VTI1A: variants seen among roughly 807,000 people sequenced by gnomAD.
VTI1A encodes the protein vesicle transport through interaction with t-SNAREs homolog 1A.
A neutral mutation model predicts 34.9 loss-of-function variants in VTI1A; 22 were observed. That is an observed-to-expected ratio of 0.63 (90% CI 0.45 to 0.90). The LOEUF (loss-of-function observed/expected upper bound fraction) is 0.90, where lower values mean the gene tolerates loss of function less well. Ranked by LOEUF, VTI1A falls within the 40% of genes least tolerant of loss-of-function variation. The pLI is 0.00. For synonymous variants in VTI1A, 87 were observed against 97.3 expected, an observed-to-expected ratio of 0.89 and a Z score of 0.62; for missense variants, 268 against 275.6, an observed-to-expected ratio of 0.97 and a Z score of 0.20.
intron 7 of VTI1A, among the ~76,000 whole-genome samples, chr10:112,728,107 A>G (rs1411199167): frequency 3.3e-5 from 5 of 152,156 alleles, no homozygotes; most frequent in Admixed American, 2.6e-4. Context: ...AGAGAAAGGG[A>G]TTTTACCTCA....
intron 5 of VTI1A, among the ~76,000 whole-genome samples, chr10:112,539,924 G>C (rs1243189077): frequency 6.6e-6 from 1 of 152,082 alleles, no homozygotes; most frequent in African/African-American, 2.4e-5. Context: ...TAAAGGAATA[G>C]AAAACAAAAT....
intron 7 of VTI1A, among the ~76,000 whole-genome samples, chr10:112,759,824 C>T (rs1851398673): frequency 6.6e-6 from 1 of 151,866 alleles, no homozygotes; most frequent in African/African-American, 2.4e-5. Flanking sequence ...CACTCCAGGT[C>T]TGCCTGGATC....
At chr10:112,819,878 G>A (rs1440558368), downstream of VTI1A, among the ~76,000 whole-genome samples, 2 of 152,170 alleles carry the variant, frequency 1.3e-5, no homozygotes, top group South Asian at 2.1e-4. Flanking sequence ...TCAGGGCAGG[G>A]GTGTTGGGTC....
At chr10:112,778,116 A>G (rs1428720518) in intron 7 of VTI1A, among the ~76,000 whole-genome samples, 2 of 152,200 alleles carry the variant, frequency 1.3e-5, no homozygotes, top group East Asian at 3.8e-4. Context: ...AAAAGGAAAA[A>G]AAAAAGTGTA....
intron 5 of VTI1A, among the ~76,000 whole-genome samples, chr10:112,619,887 G>A (rs1311872809): frequency 1.3e-5 from 2 of 152,190 alleles, no homozygotes; most frequent in African/African-American, 2.4e-5. Flanking sequence ...ACCACCTAGG[G>A]GAGGACATAA....
chr10:112,652,726 C>CAGAAAAAAAAAAA (rs1554932924), intron 5 of VTI1A, among the ~76,000 whole-genome samples: 1 of 106,416 alleles, frequency 9.4e-6, no homozygotes, highest in East Asian at 3.0e-4. Context: ...GACCTTGTCT[C>CAGAAAAAAAAAAA]AAAAAAAAAA....
chr10:112,642,291 G>A (rs1846604797), intron 5 of VTI1A, among the ~76,000 whole-genome samples: 1 of 152,054 alleles, frequency 6.6e-6, no homozygotes, highest in Non-Finnish European at 1.5e-5. Flanking sequence ...TTGACTGGTT[G>A]CAATGGAATG....
chr10:112,642,638 C>T (rs1162823963), intron 5 of VTI1A, among the ~76,000 whole-genome samples: 1 of 150,724 alleles, frequency 6.6e-6, no homozygotes, highest in African/African-American at 2.5e-5. Flanking sequence ...TATGTGCATG[C>T]TAAATGATTA....
At chr10:112,634,527 A>T (rs1401199781) in intron 5 of VTI1A, among the ~76,000 whole-genome samples, 63 of 147,496 alleles carry the variant, frequency 4.3e-4, no homozygotes, top group African/African-American at 1.1e-3. Flanking sequence ...ACACACACAC[A>T]CACACACACA....
rs1852142994 is a variant in VTI1A at position 112,572,001 on chromosome 10, G to T, written c.427+33671G>T. Among the ~76,000 whole-genome samples the T allele has an allele frequency of 2.0e-5, 3 of 152,138 alleles. No homozygotes were observed. The South Asian group carries it at 6.2e-4, about 32-fold the overall frequency. ...CAACTAGAAGGGGGAGAGAGGAGGG[G>T]CACAAAGGCTGAAAAATTATTGTTG... is the stretch of plus-strand genomic sequence containing the variant. On this transcript the variant is annotated intron_variant, in intron 5 of 7. Transcript: ENST00000393077.
rs749462193 is a variant in VTI1A at position 112,767,346 on chromosome 10, C to T, written c.561-47944C>T. On this transcript the variant is annotated intron_variant, in intron 7 of 7. Transcript: ENST00000393077. This position sits in a 1 kb window ranked among gnomAD's most constrained non-coding sequence, Gnocchi z 4.0. ...AATTTGAATCCAGCTGGTCTGACCT[C>T]AGAGCCCATACTCTTAATCATTTGT... Among the ~76,000 whole-genome samples, 2 of 152,156 alleles carry T rather than the reference C, an allele frequency of 1.3e-5. No homozygotes were observed. Among genetic ancestry groups the T allele is most frequent in the Non-Finnish European group, 2.9e-5 (2 of 68,038 alleles).
At chr10:112,645,525 A>G (rs1466812510) in intron 5 of VTI1A, among the ~76,000 whole-genome samples, 2 of 152,222 alleles carry the variant, frequency 1.3e-5, no homozygotes, top group African/African-American at 2.4e-5. Context: ...AGGCGTCCAC[A>G]CTAATTACAT....
chr10:112,486,105 T>C (rs369103918), intron 3 of VTI1A, among the ~76,000 whole-genome samples: 1 of 152,220 alleles, frequency 6.6e-6, no homozygotes, highest in East Asian at 1.9e-4. Context: ...ACACTTCTTA[T>C]AACACTTTAC....
At chr10:112,808,368 G>A (rs547519470) in intron 7 of VTI1A, among the ~76,000 whole-genome samples, 5 of 152,162 alleles carry the variant, frequency 3.3e-5, no homozygotes, top group Non-Finnish European at 5.9e-5. Flanking sequence ...CCTCATGCCT[G>A]TAATCCCAGC....
intron 5 of VTI1A, among the ~76,000 whole-genome samples, chr10:112,630,047 G>C (rs749069480): frequency 1.6e-4 from 25 of 152,168 alleles, no homozygotes; most frequent in Non-Finnish European, 5.9e-5. Context: ...TGTGCCTAAA[G>C]GTGTTTGTTT....
At chr10:112,782,741 A>G (rs1852169932) in intron 7 of VTI1A, among the ~76,000 whole-genome samples, 3 of 152,076 alleles carry the variant, frequency 2.0e-5, no homozygotes, top group African/African-American at 7.2e-5. Flanking sequence ...AGAGCCTTTC[A>G]GCTGCTGCCA....
chr10:112,495,560 C>T lies in VTI1A; in HGVS notation c.264+30903C>T, dbSNP rs759817809. Among the ~76,000 whole-genome samples, 29 of 152,118 alleles carry T rather than the reference C, an allele frequency of 1.9e-4. 1 individual carries two copies. The highest frequency in any genetic ancestry group is 5.8e-4 in the African/African-American group (24 of 41,500). The stretch of plus-strand genomic sequence containing the variant: ...GTTGTAGAATCAGTAATTCACTTTA[C>T]GTGTTTTAAATTTGAGATACTTCAG... On this transcript the variant is annotated intron_variant, in intron 3 of 7. Coordinates refer to ENST00000393077, the MANE Select transcript of VTI1A (RefSeq NM_145206.4).
chr10:112,484,803 A>G lies in VTI1A; in HGVS notation c.264+20146A>G, dbSNP rs181684708. On this transcript the variant is annotated intron_variant, in intron 3 of 7. Coordinates refer to ENST00000393077, the MANE Select transcript of VTI1A (RefSeq NM_145206.4). The stretch of plus-strand genomic sequence containing the variant: ...TTTTTAGGAGAAACATCTATAATAA[A>G]TGATAGGCACACAAAACATAAGTAT... 3.0e-3 allele frequency among the ~76,000 whole-genome samples: 449 copies of G among 151,712 alleles called. 6 individuals are homozygous for G. The highest frequency in any genetic ancestry group is 4.5e-3 in the Non-Finnish European group (309 of 67,954).
At chr10:112,753,661 G>A (rs1007169515) in intron 7 of VTI1A, among the ~76,000 whole-genome samples, 3 of 152,178 alleles carry the variant, frequency 2.0e-5, no homozygotes, top group African/African-American at 4.8e-5. Flanking sequence ...CTATGCAAGA[G>A]CAAAAATAGA....
Sources: gnomAD v4.1 joint callset for allele counts (sites outside exome capture counted in the v4.1 genomes callset) on GRCh38, gnomAD v4.1.1 for gene constraint, Gnocchi (gnomAD v3.1) non-coding constraint, MANE v1.5 for transcripts, NCBI Gene and HGNC (gene_info 2026-07-23, HGNC 2026-07-21) for gene names.